Variants in NTN5 observed in about 807,000 individuals in gnomAD.
The protein encoded by NTN5 is netrin 5.
In NTN5, 42 loss-of-function variants were observed where a neutral mutation model predicts 38.7. The observed-to-expected ratio is 1.08, with a 90% CI of 0.85 to 1.40. NTN5 has a LOEUF of 1.40. Ranked by LOEUF, NTN5 falls within the 40% of genes most tolerant of loss-of-function variation. The pLI, the probability that NTN5 is intolerant of heterozygous loss-of-function variation, is 0.00. For missense variants in NTN5, 658 were observed against 716.5 expected (o/e 0.92, Z 0.93); for synonymous variants, 329 against 303.9 (o/e 1.08, Z -0.86).
At position 48,670,853 on chromosome 19, in the gene NTN5, T is replaced by C. The variant is rs982947744; in HGVS notation, c.134A>G (p.Gln45Arg). 2 of 1,612,434 alleles carry C rather than the reference T, an allele frequency of 1.2e-6. No individual in the cohort carries two copies. The highest frequency in any genetic ancestry group is 1.7e-6 in the Non-Finnish European group (2 of 1,179,756). ...GTTTCCTGGGGACAGGGCACAGGCC[T>C]GAGGGCAGGAGGCCGCCACGGCAGC... ...QLAAVAASCP[Q>R]ACALSPGNHL... The change falls in exon 2 of 7, where the codon CAG becomes CGG. Residue 45 changes from glutamine to arginine, a missense_variant. Coordinates refer to ENST00000270235, the MANE Select transcript of NTN5 (RefSeq NM_145807.4).
chr19:48,665,839 GA>G (rs1333570176), intron 2 of NTN5, among the ~76,000 whole-genome samples: 2 of 151,820 alleles, frequency 1.3e-5, no homozygotes, highest in Admixed American at 6.6e-5. Flanking sequence ...AAAACAAAAA[GA>G]GTGGGCTATG....
At position 48,661,453 on chromosome 19, in the gene NTN5, G is replaced by T. The variant is rs891560435; in HGVS notation, c.*224C>A. 5 of 441,772 alleles carry T rather than the reference G, an allele frequency of 1.1e-5. No homozygotes were observed. Among genetic ancestry groups the T allele is most frequent in the Non-Finnish European group, 1.9e-5 (5 of 260,308 alleles). The allele number at this position is 441,772 out of a possible 1,614,324, so 27.4% of individuals were successfully genotyped here. ...ATTGGGGGAAACAGATCACTGGCGG[G>T]GAATAAGCCACAGGCCAAAGGAGGA... On this transcript the variant is annotated 3_prime_UTR_variant, in exon 7 of 7. Coordinates refer to ENST00000270235, the MANE Select transcript of NTN5 (RefSeq NM_145807.4).
In NTN5 at chr19:48,664,736, G is replaced by C. The variant is rs201443263; in HGVS notation, c.663C>G (p.Cys221Trp). The change falls in exon 3 of 7, where the codon TGC becomes TGG. Residue 221 changes from cysteine to tryptophan, a missense_variant. Transcript: ENST00000270235. ...GTCTGAACAGCTCAGAGTTGAACCG[G>C]CAGCGTCGGGCGTGCTGGTTGCAGG... ...PCSCNQHARR[C>W]RFNSELFRLS... 337 of 1,581,028 alleles carry C rather than the reference G, an allele frequency of 2.1e-4. No individual in the cohort carries two copies. Among genetic ancestry groups the C allele is most frequent in the South Asian group, 3.6e-4 (31 of 87,030 alleles).
intron 5 of NTN5, 56 bp downstream of exon 5, chr19:48,663,705 C>G (rs775661583): frequency 1.0e-5 from 16 of 1,570,488 alleles, no homozygotes; most frequent in Non-Finnish European, 1.3e-5. Flanking sequence ...GGGACCCAGT[C>G]AGCCCATCCT....
In NTN5 at chr19:48,661,640, T is replaced by G; in HGVS notation, c.*37A>C. 1 of 1,489,048 alleles carries G rather than the reference T, an allele frequency of 6.7e-7. No individual in the cohort carries two copies. Among genetic ancestry groups the G allele is most frequent in the Non-Finnish European group, 8.9e-7 (1 of 1,129,486 alleles). 92.2% of individuals were successfully genotyped at this position (1,489,048 alleles called of 1,614,324 possible). On this transcript the variant is annotated 3_prime_UTR_variant, in exon 7 of 7. Transcript: ENST00000270235. ...GGCTCAGCTCCTAGTCGCTCCCAAA[T>G]TACTTTGTTGGTGCTCGAGGCAGCC...
In NTN5 at chr19:48,661,564, G is replaced by T. The variant is rs2031538820; in HGVS notation, c.*113C>A. The T allele has an allele frequency of 8.0e-7, 1 of 1,243,984 alleles. No homozygotes were observed. Among genetic ancestry groups the T allele is most frequent in the Non-Finnish European group, 1.0e-6 (1 of 967,896 alleles). 77.1% of individuals were successfully genotyped at this position (1,243,984 alleles called of 1,614,324 possible). Reference sequence around the variant, plus strand: ...GCGTGGGCGCAAGCATAGTGTCGTCGGGGCTCTGCGACGTCTGATTGGCTC... The same window carrying T: ...GCGTGGGCGCAAGCATAGTGTCGTCTGGGCTCTGCGACGTCTGATTGGCTC... On this transcript the variant is annotated 3_prime_UTR_variant, in exon 7 of 7. Transcript: ENST00000270235.
chr19:48,671,739 C>T (rs553489521), intron 1 of NTN5, among the ~76,000 whole-genome samples: 6 of 152,084 alleles, frequency 3.9e-5, no homozygotes, highest in Non-Finnish European at 7.4e-5. Flanking sequence ...GCCTTTCCCA[C>T]ATGGGGCCCT....
rs771858731 is a variant in NTN5, at chr19:48,664,277, G to A, written c.836C>T (p.Pro279Leu). ...RRACRACQCHPIGATGGTCNQ... is the reference protein window; with the variant it reads ...RRACRACQCHLIGATGGTCNQ... ...GCAGGTTCCTCCTGTTGCCCCAATA[G>A]GGTGGCACTGGCAGGCTACATGAGC... The change falls in exon 4 of 7, where the codon CCT (proline) becomes CTT (leucine). Residue 279 changes from proline (P) to leucine (L), a missense_variant. Pro to Leu is a moderately conservative substitution (Grantham distance 98). Transcript: ENST00000270235. The A allele has an allele frequency of 1.9e-6, 3 of 1,613,034 alleles. No individual in the cohort carries two copies. Among genetic ancestry groups the A allele is most frequent in the Non-Finnish European group, 2.5e-6 (3 of 1,179,586 alleles).
chr19:48,661,523 T>G lies in NTN5; in HGVS notation c.*154A>C, dbSNP rs927420431. On this transcript the variant is annotated 3_prime_UTR_variant, in exon 7 of 7. Coordinates refer to ENST00000270235, the MANE Select transcript of NTN5 (RefSeq NM_145807.4). ...CCGCTTGCCGCCTTTTGCTAAAAGT[T>G]CCGCACGCCTGCTCGGCGTGGGCGC... 1 of 961,878 alleles carries G rather than the reference T, an allele frequency of 1.0e-6. No individual in the cohort carries two copies. The highest frequency in any genetic ancestry group is 1.4e-6 in the Non-Finnish European group (1 of 727,788). The allele number at this position is 961,878 out of a possible 1,614,324, so 59.6% of individuals were successfully genotyped here.
chr19:48,667,357 G>A, intron 2 of NTN5: 2 of 403,930 alleles, frequency 5.0e-6, no homozygotes, highest in South Asian at 1.7e-5. Flanking sequence ...GGTTTGGAGG[G>A]CACTGCCCTG....
rs113559285 is a variant in NTN5 at position 48,668,991 on chromosome 19, A to G, written c.631+1365T>C. On this transcript the variant is annotated intron_variant, in intron 2 of 6. Transcript: ENST00000270235. Reference sequence around the variant, plus strand: ...CACCACCATCATCACCACTATCACCATCACCATCATCACCACTATCACCAC... The same window carrying G: ...CACCACCATCATCACCACTATCACCGTCACCATCATCACCACTATCACCAC... Among the ~76,000 whole-genome samples the G allele has an allele frequency of 6.6e-5, 10 of 151,368 alleles. 1 individual carries two copies. The highest frequency in any genetic ancestry group is 2.4e-4 in the African/African-American group (10 of 41,140).
At chr19:48,670,078 C>G (rs1186993621) in intron 2 of NTN5, among the ~76,000 whole-genome samples, 2 of 150,284 alleles carry the variant, frequency 1.3e-5, no homozygotes, top group Non-Finnish European at 3.0e-5. Flanking sequence ...CCATCATCAC[C>G]ATTACCACCA....
intron 2 of NTN5, among the ~76,000 whole-genome samples, chr19:48,669,366 T>C (rs868163429): frequency 4.9e-3 from 21 of 4,296 alleles, no homozygotes; most frequent in Admixed American, 0.012. Flanking sequence ...ACCACCACCA[T>C]CACCACCACC....
At chr19:48,665,696 G>A (rs1369820615) in intron 2 of NTN5, among the ~76,000 whole-genome samples, 2 of 151,788 alleles carry the variant, frequency 1.3e-5, no homozygotes, top group Admixed American at 6.6e-5. Context: ...GCACGCGCCT[G>A]TAATCCCAGG....
intron 6 of NTN5, chr19:48,663,072 G>A (rs2031590989): frequency 5.1e-6 from 2 of 388,684 alleles, no homozygotes; most frequent in Non-Finnish European, 5.1e-6. Context: ...AGTCTTTATG[G>A]GAAGTGGGGC....
chr19:48,663,195 A>C, intron 6 of NTN5: 5 of 584,830 alleles, frequency 8.5e-6, no homozygotes, highest in Admixed American at 2.2e-5. Flanking sequence ...TCCATCCCTC[A>C]GAGATGTCAG....
At position 48,664,618 on chromosome 19, in the gene NTN5, C is replaced by A; in HGVS notation, c.781G>T (p.Asp261Tyr). 6.2e-7 allele frequency: 1 copy of A among 1,613,488 alleles called. No homozygotes were observed. The highest frequency in any genetic ancestry group is 8.5e-7 in the Non-Finnish European group (1 of 1,179,838). Reference sequence around the variant, plus strand: ...CGGCTGAAGATAGGCTGGCTAGGGTCCCTCCAGAACCCAGGTTGGCAGTAG... The same window carrying A: ...CGGCTGAAGATAGGCTGGCTAGGGTACCTCCAGAACCCAGGTTGGCAGTAG... The part of the protein sequence containing the change: ...CHYCQPGFWR[D>Y]PSQPIFSRRA... Residue 261 changes from aspartate (D) to tyrosine (Y), a missense_variant, in exon 3 of 7, where the codon GAC (aspartate) becomes TAC (tyrosine). Coordinates refer to ENST00000270235, the MANE Select transcript of NTN5 (RefSeq NM_145807.4).
At chr19:48,669,691 C>T (rs1329893673) in intron 2 of NTN5, among the ~76,000 whole-genome samples, 12 of 126,446 alleles carry the variant, frequency 9.5e-5, no homozygotes, top group South Asian at 2.7e-4. Flanking sequence ...ACCATCACCA[C>T]CACCATCATC....
At position 48,670,590 on chromosome 19, in the gene NTN5, C is replaced by T. The variant is rs1170590189; in HGVS notation, c.397G>A (p.Val133Met). ...FHSTPGPKAT[V>M]AASHLRVEFG... ...TCCACACGGAGGTGGCTGGCCGCCA[C>T]AGTGGCCTTAGGACCTGGTGTGGAG... The change falls in exon 2 of 7, where the codon GTG becomes ATG. Residue 133 changes from valine to methionine, a missense_variant. Coordinates refer to ENST00000270235, the MANE Select transcript of NTN5 (RefSeq NM_145807.4). 6 of 1,581,566 alleles carry T rather than the reference C, an allele frequency of 3.8e-6. No homozygotes were observed. The highest frequency in any genetic ancestry group is 2.3e-5 in the East Asian group (1 of 43,164).
Sources: allele counts gnomAD v4.1 joint callset (sites outside exome capture counted in the v4.1 genomes callset), GRCh38; gene constraint gnomAD v4.1.1; transcripts MANE v1.5; gene names NCBI Gene and HGNC (gene_info 2026-07-23, HGNC 2026-07-21).